Variants in S100PBP observed in about 807,000 individuals in gnomAD.
S100PBP encodes the protein S100P-binding protein.
S100PBP carries 15 observed loss-of-function variants against 39.9 expected under a neutral mutation model. The observed-to-expected ratio is 0.38, with a 90% CI of 0.25 to 0.58. The LOEUF (loss-of-function observed/expected upper bound fraction) is 0.58. Among genes scored for constraint, S100PBP ranks in the 20% least tolerant of loss-of-function variants. The pLI, the probability that S100PBP is intolerant of heterozygous loss-of-function variation, is 0.70. For synonymous variants in S100PBP, 178 were observed against 180.3 expected, an observed-to-expected ratio of 0.99 and a Z score of 0.10; for missense variants, 504 against 487.3, an observed-to-expected ratio of 1.03 and a Z score of -0.32.
Position 32,835,777 on chromosome 1 carries a change from C to G in S100PBP, c.1024+5710C>G, listed in dbSNP as rs75850533. The G allele has an allele frequency of 5.8e-3, 875 of 150,308 alleles. 10 individuals are homozygous for G. The highest frequency in any genetic ancestry group is 0.021 in the African/African-American group (850 of 40,990). 9.3% of individuals were successfully genotyped at this position (150,308 alleles called of 1,614,324 possible). On this transcript the variant is annotated intron_variant, in intron 5 of 6. Transcript: ENST00000373475. ...TTATTTTTATTTTTTTTCTATTTTT[C>G]TCACCACTCAATTTCCTTCCTTTTT...
At position 32,857,218 on chromosome 1, in the gene S100PBP, T is replaced by C. The variant is rs962079463; in HGVS notation, c.*1180T>C. On this transcript the variant is annotated 3_prime_UTR_variant, in exon 7 of 7. Transcript: ENST00000373475. Reference sequence around the variant, plus strand: ...GATGTAATATAGTTGTGACAGCCTATGCACAAAAGCATTACCTGATCTTAA... The same window carrying C: ...GATGTAATATAGTTGTGACAGCCTACGCACAAAAGCATTACCTGATCTTAA... 1 of 152,242 alleles carries C rather than the reference T, an allele frequency of 6.6e-6. No individual in the cohort carries two copies. Among genetic ancestry groups the C allele is most frequent in the South Asian group, 2.1e-4 (1 of 4,834 alleles). The allele number at this position is 152,242 out of a possible 1,614,324, so 9.4% of individuals were successfully genotyped here.
Position 32,825,393 on chromosome 1 carries a change from G to T in S100PBP, c.-39G>T, listed in dbSNP as rs993202597. 2.0e-5 allele frequency: 3 copies of T among 152,210 alleles called. No individual in the cohort carries two copies. The highest frequency in any genetic ancestry group is 7.2e-5 in the African/African-American group (3 of 41,446). The allele number at this position is 152,210 out of a possible 1,614,324, so 9.4% of individuals were successfully genotyped here. A position where few individuals can be genotyped will look rare whatever the true frequency, so the allele number is the denominator to read the frequency against. ...CTGAAACCTTTTTCCATTTGGTCTC[G>T]TGGCAAAGGCAGAGATTGCTCCAGC... On this transcript the variant is annotated 5_prime_UTR_variant, in exon 2 of 7. Coordinates refer to ENST00000373475, the MANE Select transcript of S100PBP (RefSeq NM_022753.4).
chr1:32,837,071 T>A (rs1356137655), intron 5 of S100PBP: 2 of 134,778 alleles, frequency 1.5e-5, no homozygotes, highest in Non-Finnish European at 1.5e-5. Flanking sequence ...ACCCCATCTC[T>A]ACTAAAAAAA....
At chr1:32,825,611 G>T (rs530165394) in intron 2 of S100PBP, 182 bp downstream of exon 2, 155 of 154,666 alleles carry the variant, frequency 1.0e-3, no homozygotes, top group Non-Finnish European at 1.7e-3. Flanking sequence ...CTACTTCATT[G>T]TGTTTTTAAA....
rs1311474995 is a variant in S100PBP at position 32,856,661 on chromosome 1, G to A, written c.*623G>A. The A allele has an allele frequency of 2.0e-5, 3 of 152,570 alleles. No homozygotes were observed. Among genetic ancestry groups the A allele is most frequent in the Non-Finnish European group, 4.4e-5 (3 of 68,042 alleles). The allele number at this position is 152,570 out of a possible 1,614,324, so 9.5% of individuals were successfully genotyped here. ...TCTCCTCTCCCTTCTGTAGGTACTAGCTGCCTTGATTTTTTTTTGTGGGTG... is the reference window on the plus strand; with the variant it reads ...TCTCCTCTCCCTTCTGTAGGTACTAACTGCCTTGATTTTTTTTTGTGGGTG... On this transcript the variant is annotated 3_prime_UTR_variant, in exon 7 of 7. Transcript: ENST00000373475.
intron 5 of S100PBP, among the ~76,000 whole-genome samples, chr1:32,832,708 C>G (rs1014916252): frequency 6.6e-6 from 1 of 152,130 alleles, no homozygotes; most frequent in Admixed American, 6.6e-5. Context: ...AAAAGGGGAG[C>G]GTAGTACTTC....
intron 5 of S100PBP, among the ~76,000 whole-genome samples, chr1:32,841,101 C>G (rs1226738480): frequency 6.7e-6 from 1 of 149,908 alleles, no homozygotes; most frequent in Non-Finnish European, 1.5e-5. Context: ...ACGGAGCTTG[C>G]AGTGAACCGA....
rs577339253 is a variant in S100PBP at position 32,823,014 on chromosome 1, G to A, written c.-119-2299G>A. Among the ~76,000 whole-genome samples the A allele has an allele frequency of 6.0e-4, 84 of 140,418 alleles. 1 individual carries two copies. In the South Asian group the frequency reaches 0.015, roughly 25 times the overall value. 92.1% of individuals were successfully genotyped at this position (140,418 alleles called of 152,430 possible). On this transcript the variant is annotated intron_variant, in intron 1 of 6. Coordinates refer to ENST00000373475, the MANE Select transcript of S100PBP (RefSeq NM_022753.4). ...AATCCTGTGCAAGTCTGTCACAGAT[G>A]TAGTGGGAAAAACATTGCATTTGGA...
At chr1:32,855,854 C>T (rs1306262053) in intron 6 of S100PBP, 70 bp from the exon 7 acceptor site, 18 of 907,006 alleles carry the variant, frequency 2.0e-5, no homozygotes, top group Non-Finnish European at 2.9e-5. Context: ...TTGTGCTGGC[C>T]TTTTTTTGTG....
At chr1:32,854,671 C>T (rs1640754022) in intron 6 of S100PBP, among the ~76,000 whole-genome samples, 2 of 152,248 alleles carry the variant, frequency 1.3e-5, no homozygotes, top group South Asian at 4.1e-4. Flanking sequence ...GCATAAATCA[C>T]ATTTGCTCAA....
chr1:32,852,323 A>C (rs1296916607), intron 5 of S100PBP, among the ~76,000 whole-genome samples: 1 of 152,162 alleles, frequency 6.6e-6, no homozygotes, highest in Non-Finnish European at 1.5e-5. Context: ...AAAAAAAAAA[A>C]AAGTATTTCA....
chr1:32,844,107 G>A (rs1490750354), intron 5 of S100PBP, among the ~76,000 whole-genome samples: 1 of 151,834 alleles, frequency 6.6e-6, no homozygotes, highest in East Asian at 1.9e-4. Context: ...GTAGAGACAG[G>A]GTTTCACCAT....
At chr1:32,851,962 G>A (rs766335378) in intron 5 of S100PBP, among the ~76,000 whole-genome samples, 4 of 152,158 alleles carry the variant, frequency 2.6e-5, no homozygotes, top group Non-Finnish European at 5.9e-5. Context: ...ATCGTTGAGT[G>A]CAAAATTAGC....
intron 5 of S100PBP, among the ~76,000 whole-genome samples, chr1:32,830,957 A>G (rs991678572): frequency 2.6e-5 from 4 of 152,116 alleles, no homozygotes; most frequent in Non-Finnish European, 4.4e-5. Flanking sequence ...GCACATGCCT[A>G]TAATCCTAGC....
At chr1:32,829,889 C>A in intron 4 of S100PBP, 75 bp from the exon 5 acceptor site, 1 of 980,670 alleles carries the variant, frequency 1.0e-6, no homozygotes, top group Non-Finnish European at 1.6e-6. Context: ...AGCAGTATAT[C>A]ACTTCTCTCT....
Position 32,826,605 on chromosome 1 carries a change from A to C in S100PBP, c.506A>C (p.Lys169Thr), listed in dbSNP as rs1488461698. 6.2e-7 allele frequency: 1 copy of C among 1,614,032 alleles called. No individual in the cohort carries two copies. Among genetic ancestry groups the C allele is most frequent in the Admixed American group, 1.7e-5 (1 of 60,014 alleles). Residue 169 changes from lysine to threonine, a missense_variant, in exon 3 of 7, where the codon AAA becomes ACA. Transcript: ENST00000373475. Reference sequence around the variant, plus strand: ...GATAAGGACGAGACTGATTCGTCCAAAGATACTGAAAAACTCTCTTCCCTT... The same window carrying C: ...GATAAGGACGAGACTGATTCGTCCACAGATACTGAAAAACTCTCTTCCCTT... ...LLDKDETDSS[K>T]DTEKLSSLGE...
In S100PBP at chr1:32,856,276, AGTTTTTTTTT is replaced by A. The variant is rs1414607788; in HGVS notation, c.*247_*256del. ...GTTTAAGCAAGCGTTCGGTTGGTAT[AGTTTTTTTTT>A]GTTTTTTTAATTTAAATTGAAGGTA... On this transcript the variant is annotated 3_prime_UTR_variant, in exon 7 of 7. Transcript: ENST00000373475. The A allele has an allele frequency of 4.0e-6, 1 of 250,260 alleles. No homozygotes were observed. Among genetic ancestry groups the A allele is most frequent in the Non-Finnish European group, 7.8e-6 (1 of 128,916 alleles). The allele number at this position is 250,260 out of a possible 1,614,324, so 15.5% of individuals were successfully genotyped here.
chr1:32,829,935 T>C, intron 4 of S100PBP, 29 bp from the exon 5 acceptor site: 1 of 1,518,210 alleles, frequency 6.6e-7, no homozygotes, highest in Non-Finnish European at 9.1e-7. Flanking sequence ...ATGGGCTGTT[T>C]TTCTTTTTTC....
intron 5 of S100PBP, among the ~76,000 whole-genome samples, chr1:32,838,430 C>T (rs1444907740): frequency 1.3e-5 from 2 of 152,092 alleles, no homozygotes; most frequent in Non-Finnish European, 2.9e-5. Context: ...GTATGAATTC[C>T]GGTTGCCCCC....
Sources: allele counts gnomAD v4.1 joint callset (sites outside exome capture counted in the v4.1 genomes callset), GRCh38; gene constraint gnomAD v4.1.1; transcripts MANE v1.5; gene names NCBI Gene and HGNC (gene_info 2026-07-23, HGNC 2026-07-21).